The following MYEF2 variants were observed in gnomAD, a reference collection of about 807,000 sequenced individuals.
The protein encoded by MYEF2 is myelin gene expression factor 2.
MYEF2 carries 37 observed loss-of-function variants against 75.2 expected under a neutral mutation model. The ratio of observed to expected loss-of-function variants is 0.49; its 90% confidence interval spans 0.38 to 0.65. The LOEUF (loss-of-function observed/expected upper bound fraction) is 0.65, where lower values mean the gene tolerates loss of function less well. Ranked by LOEUF, MYEF2 falls within the 30% of genes least tolerant of loss-of-function variation. MYEF2 has a pLI of 0.00. For missense variants in MYEF2, 634 were observed against 771.4 expected, an observed-to-expected ratio of 0.82 and a Z score of 2.11; for synonymous variants, 195 against 241.6, an observed-to-expected ratio of 0.81 and a Z score of 1.79.
chr15:48,153,753 G>C (rs1314770611), intron 10 of MYEF2, 39 bp downstream of exon 10: 1 of 1,509,656 alleles, frequency 6.6e-7, no homozygotes, highest in Admixed American at 1.7e-5. Context: ...GCTAGCATAT[G>C]TATCATTTAA....
In MYEF2 at chr15:48,139,697, C is replaced by A. The variant is rs761221945; in HGVS notation, c.*3211G>T. 1 of 152,246 alleles carries A rather than the reference C, an allele frequency of 6.6e-6. No individual in the cohort carries two copies. 9.4% of individuals were successfully genotyped at this position (152,246 alleles called of 1,614,324 possible). ...ATAATTTTATTCTAGGTTTCTACTA[C>A]CTTCATGATTAAGACTTAACTAGCT... On this transcript the variant is annotated 3_prime_UTR_variant, in exon 17 of 17. Transcript: ENST00000324324.
chr15:48,174,848 T>C (rs184512870), intron 1 of MYEF2, among the ~76,000 whole-genome samples: 4 of 152,172 alleles, frequency 2.6e-5, no homozygotes, highest in East Asian at 3.9e-4. Flanking sequence ...GGAATATACA[T>C]TGGTACAGCC....
At position 48,153,925 on chromosome 15, in the gene MYEF2, G is replaced by T. The variant is rs753382166; in HGVS notation, c.986-32C>A. 2.6e-6 allele frequency: 4 copies of T among 1,567,822 alleles called. No homozygotes were observed. In the East Asian group the frequency reaches 9.0e-5, roughly 35 times the overall value. ...CAAAAATGAGAACAATCATTACAAA[G>T]ATCCATATATGATTAACTAATTGGC... On this transcript the variant is annotated intron_variant, in intron 9 of 16. Transcript: ENST00000324324.
intron 11 of MYEF2, 48 bp downstream of exon 11, chr15:48,152,186 T>C (rs1318044128): frequency 6.7e-7 from 1 of 1,495,692 alleles, no homozygotes; most frequent in East Asian, 2.3e-5. Flanking sequence ...TTCTAGTTTA[T>C]TAAAAATGGT....
Position 48,134,876 on chromosome 15 carries a change from T to A in MYEF2, c.*8032A>T. On this transcript the variant is annotated 3_prime_UTR_variant, in exon 17 of 17. Transcript: ENST00000324324. The stretch of plus-strand genomic sequence containing the variant: ...ATGTAATGGAAATAATAACTTACCA[T>A]ATTACAGGTCTCAACACTATCATGT... The A allele has an allele frequency of 6.3e-7, 1 of 1,593,174 alleles. No homozygotes were observed.
intron 5 of MYEF2, among the ~76,000 whole-genome samples, chr15:48,161,458 A>G (rs1012526900): frequency 2.0e-5 from 3 of 151,970 alleles, no homozygotes; most frequent in Non-Finnish European, 2.9e-5. Flanking sequence ...CAGGAAAGGG[A>G]CTGCCAAAGT....
intron 3 of MYEF2, 92 bp downstream of exon 3, chr15:48,167,257 T>TA: frequency 7.6e-7 from 1 of 1,307,566 alleles, no homozygotes; most frequent in Non-Finnish European, 1.1e-6. Context: ...AAATGAAACT[T>TA]AAGTTTCCAA....
At chr15:48,175,485 C>T (rs1337597677) in intron 1 of MYEF2, among the ~76,000 whole-genome samples, 1 of 152,080 alleles carries the variant, frequency 6.6e-6, no homozygotes, top group East Asian at 1.9e-4. Context: ...AATATGGTAG[C>T]TATGCGAGGT....
chr15:48,169,287 G>A (rs2040239559), intron 1 of MYEF2, among the ~76,000 whole-genome samples: 1 of 152,068 alleles, frequency 6.6e-6, no homozygotes, highest in Non-Finnish European at 1.5e-5. Context: ...ATCTCTTAAA[G>A]GTTAATAGTT....
chr15:48,154,101 G>A (rs2039595558), intron 9 of MYEF2: 1 of 457,168 alleles, frequency 2.2e-6, no homozygotes, highest in South Asian at 3.3e-5. Context: ...AGTGTTTTAT[G>A]AAATAAAACA....
chr15:48,142,552 T>C lies in MYEF2; in HGVS notation c.*356A>G. ...AAAATTACATATTATAAAACAGAAG[T>C]TTGGGGGGAAAAAATCTATGTTTTA... is the stretch of plus-strand genomic sequence containing the variant. On this transcript the variant is annotated 3_prime_UTR_variant, in exon 17 of 17. Transcript: ENST00000324324. The C allele has an allele frequency of 2.0e-6, 1 of 487,820 alleles. No individual in the cohort carries two copies. The highest frequency in any genetic ancestry group is 3.8e-5 in the Admixed American group (1 of 26,058). 30.2% of individuals were successfully genotyped at this position (487,820 alleles called of 1,614,324 possible). A position where few individuals can be genotyped will look rare whatever the true frequency, so the allele number is the denominator to read the frequency against.
chr15:48,161,117 T>C (rs2039925861), intron 5 of MYEF2, among the ~76,000 whole-genome samples: 1 of 152,080 alleles, frequency 6.6e-6, no homozygotes, highest in African/African-American at 2.4e-5. Context: ...TTTATATACA[T>C]ATATATGACA....
chr15:48,137,070 T>C lies in MYEF2; in HGVS notation c.*5838A>G. ...TGTGCTTTTTATGTAAAAAAGACTG[T>C]GAAGACTCAGAAATGATAAAGACCA... On this transcript the variant is annotated 3_prime_UTR_variant, in exon 17 of 17. Transcript: ENST00000324324. 8.2e-7 allele frequency: 1 copy of C among 1,226,514 alleles called. No individual in the cohort carries two copies. Among genetic ancestry groups the C allele is most frequent in the South Asian group, 1.6e-5 (1 of 62,982 alleles). 76.0% of individuals were successfully genotyped at this position (1,226,514 alleles called of 1,614,324 possible). A position where few individuals can be genotyped will look rare whatever the true frequency, so the allele number is the denominator to read the frequency against.
intron 6 of MYEF2, 137 bp downstream of exon 6, chr15:48,159,476 T>C: frequency 4.2e-6 from 3 of 712,936 alleles, no homozygotes; most frequent in Non-Finnish European, 7.0e-6. Context: ...GTCAATTGAT[T>C]TTGAGTTTAC....
At position 48,159,617 on chromosome 15, in the gene MYEF2, G is replaced by T; in HGVS notation, c.713C>A (p.Ala238Asp). The T allele has an allele frequency of 6.2e-7, 1 of 1,608,798 alleles. No homozygotes were observed. Among genetic ancestry groups the T allele is most frequent in the South Asian group, 1.1e-5 (1 of 89,682 alleles). ...AGRLGSTIFV[A>D]NLDFKVGWKK... is the part of the protein sequence containing the mutation. ...TAGACTAAAGCTTGAACTTACATTG[G>T]CAACAAAAATTGTGGAACCAAGTCT... The change falls in exon 6 of 17, where the codon GCC becomes GAC. Residue 238 changes from alanine (A) to aspartate (D), a missense_variant. Coordinates refer to ENST00000324324, the MANE Select transcript of MYEF2 (RefSeq NM_016132.5).
At chr15:48,152,207 T>C in intron 11 of MYEF2, 27 bp downstream of exon 11, 1 of 1,590,508 alleles carries the variant, frequency 6.3e-7, no homozygotes, top group South Asian at 1.1e-5. Context: ...GATGGGTACA[T>C]ACAAAAAAAC....
intron 9 of MYEF2, chr15:48,157,613 C>T: frequency 5.6e-6 from 2 of 358,598 alleles, no homozygotes; most frequent in Non-Finnish European, 7.9e-6. Flanking sequence ...AAAAATAATT[C>T]AAAATTATTT....
In MYEF2 at chr15:48,136,093, T is replaced by C. The variant is rs1006832823; in HGVS notation, c.*6815A>G. The C allele has an allele frequency of 6.6e-6, 1 of 152,172 alleles. No individual in the cohort carries two copies. 9.4% of individuals were successfully genotyped at this position (152,172 alleles called of 1,614,324 possible). A position where few individuals can be genotyped will look rare whatever the true frequency, so the allele number is the denominator to read the frequency against. The stretch of plus-strand genomic sequence containing the variant: ...TTGGTTCCAAGGGTATAATTTTATA[T>C]TTTAGAACATCTTGTTTTCTTGTGA... On this transcript the variant is annotated 3_prime_UTR_variant, in exon 17 of 17. Transcript: ENST00000324324.
chr15:48,159,467 T>A (rs371885164), intron 6 of MYEF2, 146 bp downstream of exon 6: 4 of 662,896 alleles, frequency 6.0e-6, no homozygotes. Context: ...TGTATATACG[T>A]CAATTGATTT....
Sources: gnomAD v4.1 joint callset for allele counts (sites outside exome capture counted in the v4.1 genomes callset) on GRCh38, gnomAD v4.1.1 for gene constraint, MANE v1.5 for transcripts, NCBI Gene and HGNC (gene_info 2026-07-23, HGNC 2026-07-21) for gene names.